Variants in REDIC1 observed in about 807,000 individuals in gnomAD.
REDIC1 encodes regulator of DNA class I crossover intermediates 1.
chr12:39,750,124 A>C, the REDIC1 span, among the ~76,000 whole-genome samples: 1 of 152,228 alleles, frequency 6.6e-6, no homozygotes, highest in Non-Finnish European at 1.5e-5. Context: ...GAGGAAGTCA[A>C]ATTGTCCCTG....
the REDIC1 span, among the ~76,000 whole-genome samples, chr12:39,709,632 GT>G: frequency 1.3e-5 from 2 of 150,926 alleles, no homozygotes; most frequent in African/African-American, 4.9e-5. Context: ...TTAGCATAAT[GT>G]CCTTAGGGTT....
the REDIC1 span, among the ~76,000 whole-genome samples, chr12:39,694,448 G>T: frequency 2.0e-5 from 3 of 152,112 alleles, no homozygotes; most frequent in African/African-American, 7.2e-5. Context: ...GGGACAGTCA[G>T]TGCAGCAGTT....
the REDIC1 span, among the ~76,000 whole-genome samples, chr12:39,812,996 A>ATTTTTTTTTTTTTTTTTT: frequency 2.8e-3 from 115 of 40,616 alleles, 44 homozygotes; most frequent in Non-Finnish European, 4.0e-3. Context: ...TGCCCAGCTA[A>ATTTTTTTTTTTTTTTTTT]TTTTTTTTTT....
the REDIC1 span, among the ~76,000 whole-genome samples, chr12:39,825,851 A>G: frequency 6.6e-6 from 1 of 152,070 alleles, no homozygotes; most frequent in African/African-American, 2.4e-5. Context: ...TTCTACTTCT[A>G]ACCTCTTGTG....
chr12:39,859,146 G>A, the REDIC1 span, among the ~76,000 whole-genome samples: 1 of 152,052 alleles, frequency 6.6e-6, no homozygotes, highest in African/African-American at 2.4e-5. Context: ...GCCACAGTTT[G>A]TCAATTTGGA....
At chr12:39,858,888 G>A in the REDIC1 span, among the ~76,000 whole-genome samples, 1 of 152,172 alleles carries the variant, frequency 6.6e-6, no homozygotes, top group Non-Finnish European at 1.5e-5. Flanking sequence ...TTACAGGTGT[G>A]ACGCACCGTG....
chr12:39,874,335 C>T, the REDIC1 span, among the ~76,000 whole-genome samples: 12,087 of 152,002 alleles, frequency 0.08, 608 homozygotes, highest in Admixed American at 0.14. Flanking sequence ...AATGAGGGGC[C>T]GGGCACGGTG....
chr12:39,715,509 A>G, the REDIC1 span, among the ~76,000 whole-genome samples: 1 of 152,064 alleles, frequency 6.6e-6, no homozygotes, highest in African/African-American at 2.4e-5. Context: ...GCCAAAAGCA[A>G]TCTACGAATT....
chr12:39,676,830 C>G, the REDIC1 span, among the ~76,000 whole-genome samples: 3,079 of 152,026 alleles, frequency 0.02, 42 homozygotes, highest in South Asian at 0.029. Context: ...TAATATAAGC[C>G]AAGGATTTTC....
chr12:39,711,868 C>CGCATGTGTATATGTGT, the REDIC1 span, among the ~76,000 whole-genome samples: 2 of 56,900 alleles, frequency 3.5e-5, no homozygotes, highest in Admixed American at 1.5e-4. Context: ...TGTGTATACA[C>CGCATGTGTATATGTGT]GTATACACAT....
the REDIC1 span, among the ~76,000 whole-genome samples, chr12:39,664,122 T>C: frequency 6.6e-6 from 1 of 151,964 alleles, no homozygotes. Context: ...ATGTGCACAA[T>C]GTGCAGGTTA....
chr12:39,731,810 CT>C, the REDIC1 span, among the ~76,000 whole-genome samples: 1 of 148,024 alleles, frequency 6.8e-6, no homozygotes, highest in Non-Finnish European at 1.5e-5. Flanking sequence ...CTGTATGCCC[CT>C]GACTGTTTCT....
chr12:39,851,168 G>C, the REDIC1 span, among the ~76,000 whole-genome samples: 1 of 152,172 alleles, frequency 6.6e-6, no homozygotes, highest in Non-Finnish European at 1.5e-5. Flanking sequence ...ACAAAGTGCT[G>C]AGATTACAGG....
the REDIC1 span, among the ~76,000 whole-genome samples, chr12:39,693,126 A>G: frequency 3.9e-5 from 6 of 152,016 alleles, no homozygotes; most frequent in South Asian, 2.1e-4. Flanking sequence ...TAATATGTCT[A>G]TATCTCCTAT....
the REDIC1 span, chr12:39,683,438 G>A: frequency 1.2e-6 from 2 of 1,602,476 alleles, no homozygotes; most frequent in Non-Finnish European, 1.7e-6. Context: ...TGATTACCAA[G>A]AGAAGACACC....
chr12:39,807,829 G>T, the REDIC1 span, among the ~76,000 whole-genome samples: 1 of 152,058 alleles, frequency 6.6e-6, no homozygotes, highest in Admixed American at 6.6e-5. Context: ...TTTAATAATC[G>T]TACCAGGAGA....
At chr12:39,904,797 C>G in the REDIC1 span, among the ~76,000 whole-genome samples, 1 of 152,098 alleles carries the variant, frequency 6.6e-6, no homozygotes, top group Non-Finnish European at 1.5e-5. Context: ...CATGCTACTT[C>G]TTTAGTGCAT....
At chr12:39,681,636 A>C in the REDIC1 span, among the ~76,000 whole-genome samples, 1 of 152,142 alleles carries the variant, frequency 6.6e-6, no homozygotes, top group Admixed American at 6.6e-5. Context: ...ATTCTGTCTA[A>C]AACACCAATA....
chr12:39,728,920 C>A, the REDIC1 span, among the ~76,000 whole-genome samples: 1 of 150,480 alleles, frequency 6.6e-6, no homozygotes, highest in Non-Finnish European at 1.5e-5. Context: ...TCATCCATTT[C>A]TTCTAGATTT....
Sources: gnomAD v4.1 joint callset for allele counts (sites outside exome capture counted in the v4.1 genomes callset) on GRCh38, gnomAD v4.1.1 for gene constraint, MANE v1.5 for transcripts, NCBI Gene and HGNC (gene_info 2026-07-23, HGNC 2026-07-21) for gene names.